The following SCRIB variants were observed in gnomAD, a reference collection of about 807,000 sequenced individuals.
SCRIB encodes the protein protein scribble homolog.
A neutral mutation model predicts 170.0 loss-of-function variants in SCRIB; 72 were observed. The observed-to-expected ratio is 0.42, with a 90% confidence interval of 0.35 to 0.52. The LOEUF is 0.52. Among genes scored for constraint, SCRIB ranks in the 20% least tolerant of loss-of-function variants. The pLI is 0.02. For missense variants in SCRIB, 2,475 were observed against 2,338.5 expected (o/e 1.06, Z -1.20); for synonymous variants, 1,298 against 1,044.3 (o/e 1.24, Z -4.68).
chr8:143,804,047 T>G lies in SCRIB; in HGVS notation c.3119A>C (p.Lys1040Thr), dbSNP rs146363765. The G allele has an allele frequency of 1.8e-5, 29 of 1,606,546 alleles. No individual in the cohort carries two copies. Among genetic ancestry groups the G allele is most frequent in the African/African-American group, 4.0e-5 (3 of 74,720 alleles). ...GVQEPGVFIS[K>T]VLPRGLAARS... Reference sequence around the variant, plus strand: ...AACCGCCTGGATGGGCCGCCCTACCTTGGAGATGAACACACCAGGCTCCTG... The same window carrying G: ...AACCGCCTGGATGGGCCGCCCTACCGTGGAGATGAACACACCAGGCTCCTG... The change falls in exon 22 of 37, where the codon AAG (lysine) becomes ACG (threonine). Residue 1040 changes from lysine (K) to threonine (T), a missense_variant and splice_region_variant. Physicochemically the swap from Lys to Thr is moderately conservative, Grantham distance 78. Transcript: ENST00000356994.
At chr8:143,807,679 C>T in intron 15 of SCRIB, 65 bp from the exon 16 acceptor site, 1 of 1,241,386 alleles carries the variant, frequency 8.1e-7, no homozygotes, top group East Asian at 2.3e-5. Flanking sequence ...CACCGCCTCA[C>T]CCAGCCCCCG....
At position 143,813,625 on chromosome 8, in the gene SCRIB, G is replaced by A. The variant is rs1234291223; in HGVS notation, c.446+12C>T. ...CCCACCCCACCCTAGTTCCACCTGA[G>A]AAGGCACTCACTTGCCCACGTCCCC... On this transcript the variant is annotated intron_variant, in intron 4 of 36. Coordinates refer to ENST00000356994, the MANE Select transcript of SCRIB (RefSeq NM_182706.5). 2 of 1,613,086 alleles carry A rather than the reference G, an allele frequency of 1.2e-6. No individual in the cohort carries two copies. The highest frequency in any genetic ancestry group is 1.7e-6 in the Non-Finnish European group (2 of 1,179,862).
At chr8:143,794,692 G>GC (rs1554633721) in intron 27 of SCRIB, among the ~76,000 whole-genome samples, 1 of 151,832 alleles carries the variant, frequency 6.6e-6, no homozygotes, top group East Asian at 1.9e-4. Context: ...ACATGTGCCT[G>GC]CCCAATCCCC....
Position 143,805,447 on chromosome 8 carries a change from G to A in SCRIB, c.2347-12C>T, listed in dbSNP as rs782258868. 47 of 1,471,446 alleles carry A rather than the reference G, an allele frequency of 3.2e-5. No homozygotes were observed. In the African/African-American group the frequency reaches 6.1e-4, roughly 19 times the overall value. 91.1% of individuals were successfully genotyped at this position (1,471,446 alleles called of 1,614,324 possible). On this transcript the variant is annotated splice_polypyrimidine_tract_variant and intron_variant, in intron 18 of 36. Coordinates refer to ENST00000356994, the MANE Select transcript of SCRIB (RefSeq NM_182706.5). ...GCCACACCATTCACCTGCGGGCCAG[G>A]GACCACGTGCGTATTCAGGACCCAG...
chr8:143,791,888 G>T lies in SCRIB; in HGVS notation c.4683C>A (p.Ser1561=), dbSNP rs782069839. The T allele has an allele frequency of 1.3e-6, 2 of 1,528,662 alleles. No homozygotes were observed. The highest frequency in any genetic ancestry group is 1.3e-5 in the South Asian group (1 of 79,618). The allele number at this position is 1,528,662 out of a possible 1,614,324, so 94.7% of individuals were successfully genotyped here. ...ACCGGCTCCTCACCAGGCGTCCCGG[G>T]GAGGTGCTGGTCTGGGGGCCGAGGT... ...VEDLGPQTST[S]PGRLPLSGKK... Residue 1561 remains serine (S), a synonymous_variant, in exon 34 of 37, where the codon TCC becomes TCA. Transcript: ENST00000356994.
intron 1 of SCRIB, 56 bp downstream of exon 1, chr8:143,815,158 G>C: frequency 6.8e-7 from 1 of 1,464,820 alleles, no homozygotes; most frequent in Non-Finnish European, 9.0e-7. Context: ...TCTGCCGCCG[G>C]AGGAATCACG....
rs1358973392 is a variant in SCRIB, at chr8:143,793,339, G to A, written c.3910-256C>T. On this transcript the variant is annotated intron_variant, in intron 28 of 36. Transcript: ENST00000356994. ...CAATGGCTGGATCACCCCTGGTTTT[G>A]TCTAAAAAAGGCAGGTGGGGGCGGC... is the stretch of plus-strand genomic sequence containing the variant. 1.5e-5 allele frequency: 6 copies of A among 397,454 alleles called. No individual in the cohort carries two copies. The East Asian group carries it at 2.2e-4, about 15-fold the overall frequency. The allele number at this position is 397,454 out of a possible 1,614,324, so 24.6% of individuals were successfully genotyped here.
At chr8:143,799,185 G>GA (rs1359133938) in intron 24 of SCRIB, among the ~76,000 whole-genome samples, 2 of 152,226 alleles carry the variant, frequency 1.3e-5, no homozygotes, top group Non-Finnish European at 2.9e-5. Context: ...CATCAGGACA[G>GA]AAACAGAGCT....
chr8:143,812,523 C>G, intron 8 of SCRIB, 139 bp from the exon 9 acceptor site: 1 of 619,742 alleles, frequency 1.6e-6, no homozygotes, highest in Non-Finnish European at 2.6e-6. Context: ...AGGACCCTAC[C>G]TACCTTGCCC....
At chr8:143,800,634 A>C (rs1815135117) in intron 24 of SCRIB, among the ~76,000 whole-genome samples, 1 of 152,274 alleles carries the variant, frequency 6.6e-6, no homozygotes, top group Admixed American at 6.5e-5. Context: ...TAGCACTTTG[A>C]GAGGCCAAGG....
chr8:143,809,097 G>T, intron 14 of SCRIB, 72 bp from the exon 15 acceptor site: 2 of 1,521,558 alleles, frequency 1.3e-6, no homozygotes, highest in Middle Eastern at 2.4e-4. Flanking sequence ...CTACTAAACA[G>T]TGTGGCCACA....
chr8:143,791,791 G>GA, intron 34 of SCRIB, 51 bp from the exon 35 acceptor site: 2 of 1,283,334 alleles, frequency 1.6e-6, no homozygotes, highest in Non-Finnish European at 2.2e-6. Flanking sequence ...GAAAGGGGGG[G>GA]ATGAGGGCCA....
In SCRIB at chr8:143,805,092, G is replaced by T; in HGVS notation, c.2670+20C>A. 1 of 1,596,182 alleles carries T rather than the reference G, an allele frequency of 6.3e-7. No homozygotes were observed. Among genetic ancestry groups the T allele is most frequent in the Non-Finnish European group, 8.5e-7 (1 of 1,172,328 alleles). On this transcript the variant is annotated intron_variant, in intron 19 of 36. Transcript: ENST00000356994. Reference sequence around the variant, plus strand: ...GTCAGCTCTAGAGCAGCCCTCCCCGGCCCTGGGCCCCAGCCTCACCGCATC... The same window carrying T: ...GTCAGCTCTAGAGCAGCCCTCCCCGTCCCTGGGCCCCAGCCTCACCGCATC...
chr8:143,814,622 G>T (rs148364179), intron 1 of SCRIB, among the ~76,000 whole-genome samples: 267 of 152,232 alleles, frequency 1.8e-3, no homozygotes, highest in African/African-American at 6.2e-3. Context: ...GCCAGAACAG[G>T]GTCACATTCT....
Position 143,815,218 on chromosome 8 carries a change from G to T in SCRIB, c.155C>A (p.Pro52His). Residue 52 changes from proline to histidine, a missense_variant, in exon 1 of 37, where the codon CCC becomes CAC. This residue lies in a region of SCRIB where 487 missense variants were observed against 558.1 expected (regional missense o/e 0.87). Transcript: ENST00000356994. ...LLDANQLREL[P>H]KPFFRLLNLR... ...CAGGTGCGGGCGGCCGCTCACCTTG[G>T]GCAGCTCGCGCAGCTGGTTGGCGTC... is the stretch of plus-strand genomic sequence containing the variant. 6.3e-7 allele frequency: 1 copy of T among 1,580,938 alleles called. No homozygotes were observed. Among genetic ancestry groups the T allele is most frequent in the Middle Eastern group, 1.8e-4 (1 of 5,564 alleles).
rs1193750031 is a variant in SCRIB at position 143,809,168 on chromosome 8, C to T, written c.1699-143G>A. 18 of 1,144,102 alleles carry T rather than the reference C, an allele frequency of 1.6e-5. No individual in the cohort carries two copies. The South Asian group carries it at 1.9e-4, about 12-fold the overall frequency. 70.9% of individuals were successfully genotyped at this position (1,144,102 alleles called of 1,614,324 possible). On this transcript the variant is annotated intron_variant, in intron 14 of 36. Transcript: ENST00000356994. The stretch of plus-strand genomic sequence containing the variant: ...TCAGCACTAACTGCCCAGTGAGGGG[C>T]GCGTGTCTCAGCCCTGAGAAAAGCT...
intron 18 of SCRIB, 52 bp from the exon 19 acceptor site, chr8:143,805,487 G>A (rs1554636357): frequency 1.4e-6 from 2 of 1,421,170 alleles, no homozygotes; most frequent in African/African-American, 1.5e-5. Context: ...GCCACAGACA[G>A]CCACGTGCTG....
chr8:143,806,258 G>C (rs1159032990), intron 18 of SCRIB, 149 bp downstream of exon 18: 1 of 654,130 alleles, frequency 1.5e-6, no homozygotes, highest in Middle Eastern at 2.6e-4. Context: ...GGGGTTTACA[G>C]GTTCCGTGGC....
Position 143,792,886 on chromosome 8 carries a change from G to T in SCRIB, c.4018-19C>A. 2 of 1,505,174 alleles carry T rather than the reference G, an allele frequency of 1.3e-6. No individual in the cohort carries two copies. The highest frequency in any genetic ancestry group is 4.6e-5 in the East Asian group (2 of 43,200). 93.2% of individuals were successfully genotyped at this position (1,505,174 alleles called of 1,614,324 possible). ...TGGGGGGCTGGGGGGAGCGGACCTTGAGGTTTGGCTGGCATTCCTCCGAGA... is the reference window on the plus strand; with the variant it reads ...TGGGGGGCTGGGGGGAGCGGACCTTTAGGTTTGGCTGGCATTCCTCCGAGA... On this transcript the variant is annotated intron_variant, in intron 29 of 36. Coordinates refer to ENST00000356994, the MANE Select transcript of SCRIB (RefSeq NM_182706.5).
Sources: gnomAD v4.1 joint callset for allele counts (sites outside exome capture counted in the v4.1 genomes callset) on GRCh38, gnomAD v4.1.1 for gene constraint, gnomAD v4.1.1 regional missense constraint, MANE v1.5 for transcripts, NCBI Gene and HGNC (gene_info 2026-07-23, HGNC 2026-07-21) for gene names.